TMEM126A: variants seen among roughly 807,000 people sequenced by gnomAD.
TMEM126A encodes the protein transmembrane protein 126A.
Under a neutral mutation model 18.3 loss-of-function variants are expected in TMEM126A, and 10 were observed. The ratio of observed to expected loss-of-function variants is 0.55; its 90% CI spans 0.34 to 0.93. The LOEUF (loss-of-function observed/expected upper bound fraction) is 0.93, where lower values mean the gene tolerates loss of function less well. TMEM126A is among the 40% of genes least tolerant of loss of function. TMEM126A has a pLI of 0.02. For missense variants in TMEM126A, 246 were observed against 230.2 expected (o/e 1.07, Z -0.44); for synonymous variants, 68 against 78.1 (o/e 0.87, Z 0.68).
intron 3 of TMEM126A, 97 bp downstream of exon 3, chr11:85,654,353 A>G (rs2082522783): frequency 1.7e-6 from 2 of 1,194,482 alleles, no homozygotes; most frequent in South Asian, 2.6e-5. Flanking sequence ...TGTATGCTGT[A>G]ATGCAGTTAA....
chr11:85,653,481 C>T (rs1390361867), intron 2 of TMEM126A, among the ~76,000 whole-genome samples: 1 of 152,178 alleles, frequency 6.6e-6, no homozygotes, highest in African/African-American at 2.4e-5. Flanking sequence ...TTAGGTATTA[C>T]TTTTTCCCAA....
intron 2 of TMEM126A, among the ~76,000 whole-genome samples, chr11:85,652,143 G>A (rs1288629623): frequency 6.6e-6 from 1 of 152,192 alleles, no homozygotes; most frequent in Non-Finnish European, 1.5e-5. Context: ...CAGCCTGGGC[G>A]ACAGAGCAAG....
intron 1 of TMEM126A, among the ~76,000 whole-genome samples, chr11:85,648,653 C>T (rs1260533829): frequency 6.6e-6 from 1 of 152,138 alleles, no homozygotes; most frequent in East Asian, 1.9e-4. Context: ...ATTCAGAGCT[C>T]CTGTACAGCA....
At chr11:85,649,943 G>A (rs564275629) in intron 1 of TMEM126A, among the ~76,000 whole-genome samples, 1 of 152,080 alleles carries the variant, frequency 6.6e-6, no homozygotes, top group South Asian at 2.1e-4. Flanking sequence ...TTATCTTTAT[G>A]GTATATGTTG....
Position 85,656,433 on chromosome 11 carries a change from G to C in TMEM126A, c.520G>C (p.Gly174Arg), listed in dbSNP as rs978262666. The C allele has an allele frequency of 6.2e-7, 1 of 1,613,112 alleles. No homozygotes were observed. The highest frequency in any genetic ancestry group is 1.3e-5 in the African/African-American group (1 of 74,866). Residue 174 changes from glycine (G) to arginine (R), a missense_variant, in exon 5 of 5, where the codon GGG becomes CGG. Gly to Arg is a moderately radical substitution (Grantham distance 125). Coordinates refer to ENST00000304511, the MANE Select transcript of TMEM126A (RefSeq NM_032273.4). ...CCAGACTATGTTTTCAGCATACCTTGGGTCTGAACAATATAAACTACTTAT... is the reference window on the plus strand; with the variant it reads ...CCAGACTATGTTTTCAGCATACCTTCGGTCTGAACAATATAAACTACTTAT... ...LLQTMFSAYLGSEQYKLLIKA... is the reference protein window; with the variant it reads ...LLQTMFSAYLRSEQYKLLIKA...
chr11:85,650,474 G>A (rs1001591982), intron 2 of TMEM126A, 133 bp downstream of exon 2: 1 of 715,610 alleles, frequency 1.4e-6, no homozygotes, highest in Admixed American at 2.4e-5. Flanking sequence ...TTCTTGCCTG[G>A]ATGAGAGCGT....
intron 2 of TMEM126A, among the ~76,000 whole-genome samples, chr11:85,651,082 A>AAG (rs1429684220): frequency 6.6e-6 from 1 of 151,474 alleles, no homozygotes; most frequent in African/African-American, 2.4e-5. Flanking sequence ...AAAAAAAAAA[A>AAG]AAAAAAAAAG....
intron 2 of TMEM126A, among the ~76,000 whole-genome samples, chr11:85,653,395 G>A (rs1252690582): frequency 1.3e-5 from 2 of 152,182 alleles, no homozygotes; most frequent in East Asian, 1.9e-4. Flanking sequence ...ATTGTAGATG[G>A]CAATGTAAGT....
chr11:85,655,552 G>T, intron 3 of TMEM126A, 42 bp from the exon 4 acceptor site: 1 of 1,384,798 alleles, frequency 7.2e-7, no homozygotes, highest in South Asian at 1.2e-5. Flanking sequence ...ATGTTTGCTT[G>T]ACTATCATGA....
chr11:85,652,334 C>T (rs1158959308), intron 2 of TMEM126A, among the ~76,000 whole-genome samples: 2 of 152,172 alleles, frequency 1.3e-5, no homozygotes, highest in Non-Finnish European at 2.9e-5. Flanking sequence ...GTTATCTTTG[C>T]CTTGTTCCTA....
chr11:85,655,439 T>C (rs1024312535), intron 3 of TMEM126A, 155 bp from the exon 4 acceptor site: 19 of 621,580 alleles, frequency 3.1e-5, no homozygotes, highest in Non-Finnish European at 4.9e-5. Flanking sequence ...AAGTTACTCA[T>C]AGATGTAATT....
Position 85,656,328 on chromosome 11 carries a change from CCACA to C in TMEM126A, c.418_421del (p.His140LysfsTer5), listed in dbSNP as rs1053002427. The C allele has an allele frequency of 5.0e-6, 8 of 1,611,454 alleles. No individual in the cohort carries two copies. In the African/African-American group the frequency reaches 8.0e-5, roughly 16 times the overall value. On this transcript the variant is annotated frameshift_variant, in exon 5 of 5. Coordinates refer to ENST00000304511, the MANE Select transcript of TMEM126A (RefSeq NM_032273.4). LOFTEE classifies it high-confidence loss of function. ...TTACAGGTATCAATCAGCTCTGTTA[CCACA>C]CAAAGGGAACATCTTAAGTTACTGG...
chr11:85,655,769 G>C, intron 4 of TMEM126A, 61 bp downstream of exon 4: 1 of 1,251,490 alleles, frequency 8.0e-7, no homozygotes, highest in South Asian at 1.2e-5. Flanking sequence ...ACTTAAAGCA[G>C]CAAATATATT....
intron 4 of TMEM126A, 83 bp from the exon 5 acceptor site, chr11:85,656,226 C>G (rs1168351905): frequency 8.5e-7 from 1 of 1,180,858 alleles, no homozygotes; most frequent in Non-Finnish European, 1.2e-6. Flanking sequence ...CTTAAGACTT[C>G]TAGGACTAAT....
chr11:85,654,513 G>A (rs1239501410), intron 3 of TMEM126A, among the ~76,000 whole-genome samples: 1 of 152,106 alleles, frequency 6.6e-6, no homozygotes, highest in African/African-American at 2.4e-5. Context: ...GTGCCCTGGC[G>A]CAATCTTGGC....
intron 1 of TMEM126A, 29 bp from the exon 2 acceptor site, chr11:85,650,220 T>C: frequency 1.4e-6 from 2 of 1,387,554 alleles, no homozygotes; most frequent in Non-Finnish European, 2.0e-6. Context: ...TATAAATTCT[T>C]GAGAAATGAT....
At chr11:85,655,239 A>G (rs1172646676) in intron 3 of TMEM126A, among the ~76,000 whole-genome samples, 1 of 152,222 alleles carries the variant, frequency 6.6e-6, no homozygotes, top group Non-Finnish European at 1.5e-5. Context: ...AACAATTTCT[A>G]TGATCAAGGA....
chr11:85,654,115 G>A lies in TMEM126A; in HGVS notation c.139G>A (p.Gly47Ser). ...TGTTGGATTAAATGCTGCTCTTTGTGGCCTCATAGCAAACAGTCTTTTTCG... is the reference window on the plus strand; with the variant it reads ...TGTTGGATTAAATGCTGCTCTTTGTAGCCTCATAGCAAACAGTCTTTTTCG... Reference protein sequence around the residue: ...VYVGLNAALCGLIANSLFRRI... With the variant: ...VYVGLNAALCSLIANSLFRRI... Residue 47 changes from glycine (G) to serine (S), a missense_variant, in exon 3 of 5, where the codon GGC becomes AGC. By Grantham distance (56) the Gly-to-Ser change is moderately conservative. Transcript: ENST00000304511. 6.2e-7 allele frequency: 1 copy of A among 1,614,158 alleles called. No individual in the cohort carries two copies. Among genetic ancestry groups the A allele is most frequent in the Non-Finnish European group, 8.5e-7 (1 of 1,180,022 alleles).
At position 85,654,133 on chromosome 11, in the gene TMEM126A, C is replaced by G. The variant is rs2082520641; in HGVS notation, c.157C>G (p.Leu53Val). 6.2e-7 allele frequency: 1 copy of G among 1,614,176 alleles called. No homozygotes were observed. The highest frequency in any genetic ancestry group is 1.6e-4 in the Middle Eastern group (1 of 6,062). Residue 53 changes from leucine (L) to valine (V), a missense_variant, in exon 3 of 5, where the codon CTT (leucine) becomes GTT (valine). Transcript: ENST00000304511. ...AALCGLIANS[L>V]FRRILNVTKA... ...TCTTTGTGGCCTCATAGCAAACAGT[C>G]TTTTTCGACGCATCTTGAATGTGAC...
Sources: gnomAD v4.1 joint callset for allele counts (sites outside exome capture counted in the v4.1 genomes callset) on GRCh38, gnomAD v4.1.1 for gene constraint, MANE v1.5 for transcripts, NCBI Gene and HGNC (gene_info 2026-07-23, HGNC 2026-07-21) for gene names.